NPSR1: variants seen among roughly 807,000 people sequenced by gnomAD.
NPSR1 encodes neuropeptide S receptor 1, also known as neuropeptide S receptor.
A neutral mutation model predicts 46.9 loss-of-function variants in NPSR1; 48 were observed. The ratio of observed to expected loss-of-function variants is 1.02; its 90% CI spans 0.81 to 1.30. NPSR1 has a LOEUF of 1.30. Among genes scored for constraint, NPSR1 ranks in the 50% most tolerant of loss-of-function variants. The probability of loss-of-function intolerance (pLI) is 0.00; values close to 1 mark genes in which losing one functional copy is unlikely to be tolerated. For synonymous variants in NPSR1, 176 were observed against 168.1 expected, an observed-to-expected ratio of 1.05 and a Z score of -0.36; for missense variants, 450 against 449.5, an observed-to-expected ratio of 1.00 and a Z score of -0.01.
chr7:34,865,465 C>A (rs1328279458), intron 8 of NPSR1, among the ~76,000 whole-genome samples: 1 of 151,742 alleles, frequency 6.6e-6, no homozygotes, highest in Non-Finnish European at 1.5e-5. Flanking sequence ...TCAATCCAAG[C>A]GACTTAAGCC....
intron 2 of NPSR1, among the ~76,000 whole-genome samples, chr7:34,777,951 G>A (rs1787048698): frequency 6.6e-6 from 1 of 152,150 alleles, no homozygotes; most frequent in Admixed American, 6.6e-5. Context: ...CCCAAGTGTA[G>A]AGGTTGAAAG....
At chr7:34,700,275 G>T (rs1349183072) in intron 2 of NPSR1, among the ~76,000 whole-genome samples, 1 of 152,170 alleles carries the variant, frequency 6.6e-6, no homozygotes, top group Non-Finnish European at 1.5e-5. Flanking sequence ...GTTCCCAGAT[G>T]AATACTGCAG....
chr7:34,757,905 A>G (rs1562706748), intron 2 of NPSR1, among the ~76,000 whole-genome samples: 1 of 152,162 alleles, frequency 6.6e-6, no homozygotes, highest in Non-Finnish European at 1.5e-5. Flanking sequence ...AATCCTGGAC[A>G]CCTCGTTTGC....
At chr7:34,690,204 A>G (rs186057980) in intron 2 of NPSR1, among the ~76,000 whole-genome samples, 120 of 152,286 alleles carry the variant, frequency 7.9e-4, no homozygotes, top group African/African-American at 2.7e-3. Context: ...AAAGGACCTT[A>G]CACAACATAA....
intron 4 of NPSR1, among the ~76,000 whole-genome samples, chr7:34,825,313 C>T (rs1789771689): frequency 6.6e-6 from 1 of 152,190 alleles, no homozygotes; most frequent in Non-Finnish European, 1.5e-5. Flanking sequence ...TGACACTATT[C>T]TCAGTCTCTC....
Position 34,733,910 on chromosome 7 carries a change from G to C in NPSR1, c.281-44552G>C, listed in dbSNP as rs948503179. ...TGGTACTGCTATAGAAAACTGGGAG[G>C]GGGAAGGGACAGAGATGATATTGAG... On this transcript the variant is annotated intron_variant, in intron 2 of 8. Coordinates refer to ENST00000360581, the MANE Select transcript of NPSR1 (RefSeq NM_207172.2). 2.0e-5 allele frequency among the ~76,000 whole-genome samples: 3 copies of C among 152,278 alleles called. No individual in the cohort carries two copies. In the East Asian group the frequency reaches 5.8e-4, roughly 29 times the overall value.
chr7:34,685,180 C>T (rs1792864370), intron 2 of NPSR1, among the ~76,000 whole-genome samples: 1 of 152,272 alleles, frequency 6.6e-6, no homozygotes, highest in East Asian at 1.9e-4. Context: ...GTAATATAAT[C>T]TCAAGGATCG....
At chr7:34,700,317 G>A (rs974318522) in intron 2 of NPSR1, among the ~76,000 whole-genome samples, 2 of 152,160 alleles carry the variant, frequency 1.3e-5, no homozygotes, top group African/African-American at 4.8e-5. Context: ...CGATTGTACT[G>A]GGTAGGCAAG....
At chr7:34,858,823 C>T (rs963597890) in intron 8 of NPSR1, among the ~76,000 whole-genome samples, 2 of 151,754 alleles carry the variant, frequency 1.3e-5, no homozygotes, top group African/African-American at 4.9e-5. Context: ...GGGTCCCTTC[C>T]ACAACATGTG....
At chr7:34,792,723 A>ATATTTT (rs1787986173) in intron 3 of NPSR1, among the ~76,000 whole-genome samples, 1 of 130,410 alleles carries the variant, frequency 7.7e-6, no homozygotes, top group Non-Finnish European at 1.6e-5. Context: ...ATTTATATAT[A>ATATTTT]TATATATATA....
chr7:34,823,994 G>GA (rs1028218703), intron 4 of NPSR1, among the ~76,000 whole-genome samples: 5 of 151,742 alleles, frequency 3.3e-5, no homozygotes, highest in South Asian at 2.1e-4. Flanking sequence ...CTTACTACCT[G>GA]AAAAAAAATG....
chr7:34,795,940 G>T (rs1017376990), intron 3 of NPSR1, among the ~76,000 whole-genome samples: 1 of 152,062 alleles, frequency 6.6e-6, no homozygotes, highest in South Asian at 2.1e-4. Flanking sequence ...ATGCAGAATG[G>T]TCAGCATAAT....
At chr7:34,680,646 C>T (rs558633022) in intron 1 of NPSR1, among the ~76,000 whole-genome samples, 30 of 152,204 alleles carry the variant, frequency 2.0e-4, no homozygotes, top group South Asian at 1.4e-3. Flanking sequence ...ATCAATAAAT[C>T]GCAGCATAGT....
chr7:34,857,664 A>G (rs1380045607), intron 8 of NPSR1, among the ~76,000 whole-genome samples: 5 of 151,802 alleles, frequency 3.3e-5, no homozygotes, highest in Admixed American at 1.3e-4. Context: ...GACAAAACAC[A>G]AAACACTGTA....
At chr7:34,795,288 T>C (rs1788122673) in intron 3 of NPSR1, among the ~76,000 whole-genome samples, 1 of 152,156 alleles carries the variant, frequency 6.6e-6, no homozygotes, top group Non-Finnish European at 1.5e-5. Flanking sequence ...AAATAACATC[T>C]ACAAAACAGC....
chr7:34,826,545 C>A (rs1355196903), intron 4 of NPSR1, among the ~76,000 whole-genome samples: 1 of 152,080 alleles, frequency 6.6e-6, no homozygotes, highest in East Asian at 1.9e-4. Flanking sequence ...CACAGAAAGC[C>A]CAGCTAGGTG....
At chr7:34,673,704 C>G (rs1792172971) in intron 1 of NPSR1, among the ~76,000 whole-genome samples, 1 of 147,704 alleles carries the variant, frequency 6.8e-6, no homozygotes, top group Non-Finnish European at 1.5e-5. Context: ...CATCCCTGTT[C>G]TAGACCCTTG....
rs1391131150 is a variant in NPSR1, at chr7:34,778,484, C to T, written c.303C>T (p.Asn101=). 2 of 1,607,620 alleles carry T rather than the reference C, an allele frequency of 1.2e-6. No homozygotes were observed. Among genetic ancestry groups the T allele is most frequent in the Non-Finnish European group, 8.5e-7 (1 of 1,174,594 alleles). Residue 101 remains asparagine, a synonymous_variant, in exon 3 of 9, where the codon AAC becomes AAT. Transcript: ENST00000360581. The stretch of plus-strand genomic sequence containing the variant: ...TAGATTCTTTCACAGGACTGGTCAA[C>T]ATCTTGACAGATATTAATTGGCGAT... ...AITDSFTGLV[N]ILTDINWRFT... is the part of the protein sequence containing the mutation.
At chr7:34,770,875 G>T (rs1192177839) in intron 2 of NPSR1, among the ~76,000 whole-genome samples, 1 of 152,168 alleles carries the variant, frequency 6.6e-6, no homozygotes, top group African/African-American at 2.4e-5. Context: ...TTCCAAGATG[G>T]TGCCTTGCAT....
Sources: gnomAD v4.1 joint callset for allele counts (sites outside exome capture counted in the v4.1 genomes callset) on GRCh38, gnomAD v4.1.1 for gene constraint, MANE v1.5 for transcripts, NCBI Gene and HGNC (gene_info 2026-07-23, HGNC 2026-07-21) for gene names.